The following SPARCL1 variants were observed in gnomAD, a reference collection of about 807,000 sequenced individuals.
SPARCL1 encodes the protein SPARC like 1.
SPARCL1 carries 52 observed loss-of-function variants against 67.1 expected under a neutral mutation model. The observed-to-expected ratio is 0.78, with a 90% CI of 0.62 to 0.98. The LOEUF (loss-of-function observed/expected upper bound fraction) is 0.98. Among genes scored for constraint, SPARCL1 ranks in the 50% least tolerant of loss-of-function variants. The pLI, the probability that SPARCL1 is intolerant of heterozygous loss-of-function variation, is 0.00. For synonymous variants in SPARCL1, 226 were observed against 267.8 expected (o/e 0.84, Z 1.52); for missense variants, 717 against 782.4 (o/e 0.92, Z 1.00).
intron 1 of SPARCL1, among the ~76,000 whole-genome samples, chr4:87,507,086 C>T (rs898262909): frequency 1.3e-5 from 2 of 152,070 alleles, no homozygotes; most frequent in African/African-American, 4.8e-5. Context: ...GAAAAATTGT[C>T]CAGTGGAACA....
chr4:87,497,744 A>G (rs1479559246), intron 2 of SPARCL1, among the ~76,000 whole-genome samples: 1 of 152,152 alleles, frequency 6.6e-6, no homozygotes, highest in African/African-American at 2.4e-5. Flanking sequence ...GTGTCATTCA[A>G]ACATTTGGTT....
chr4:87,495,972 C>T (rs1047539684), intron 2 of SPARCL1, among the ~76,000 whole-genome samples: 5 of 152,182 alleles, frequency 3.3e-5, no homozygotes, highest in South Asian at 2.1e-4. Context: ...CTGTGTGAGA[C>T]AGGGCACTAA....
chr4:87,487,143 A>G (rs910361926), intron 7 of SPARCL1, among the ~76,000 whole-genome samples: 3 of 151,738 alleles, frequency 2.0e-5, no homozygotes, highest in Admixed American at 6.6e-5. Flanking sequence ...TTATGATGCT[A>G]GCTGGTTATT....
At chr4:87,479,623 A>G (rs779077410) in intron 9 of SPARCL1, 45 bp from the exon 10 acceptor site, 2 of 1,596,078 alleles carry the variant, frequency 1.3e-6, no homozygotes, top group Non-Finnish European at 1.7e-6. Flanking sequence ...TAGCTTGTGC[A>G]TGAAGATTTA....
chr4:87,503,771 T>C (rs1452918908), intron 1 of SPARCL1, among the ~76,000 whole-genome samples: 3 of 150,718 alleles, frequency 2.0e-5, no homozygotes, highest in East Asian at 2.0e-4. Flanking sequence ...CTCTGCCTCC[T>C]AGGCTCAAGT....
At chr4:87,509,424 G>A (rs1725254865) in intron 1 of SPARCL1, among the ~76,000 whole-genome samples, 1 of 152,178 alleles carries the variant, frequency 6.6e-6, no homozygotes, top group South Asian at 2.1e-4. Context: ...GTCTGTCTGT[G>A]TTCTTAACTA....
chr4:87,503,828 G>A (rs1434624103), intron 1 of SPARCL1, among the ~76,000 whole-genome samples: 2 of 151,666 alleles, frequency 1.3e-5, no homozygotes, highest in South Asian at 2.1e-4. Flanking sequence ...ACAGACATGT[G>A]CCACCATGCC....
rs762281846 is a variant in SPARCL1 at position 87,495,010 on chromosome 4, C to T, written c.172G>A (p.Val58Ile). 6.2e-7 allele frequency: 1 copy of T among 1,611,608 alleles called. No homozygotes were observed. Among genetic ancestry groups the T allele is most frequent in the African/African-American group, 1.3e-5 (1 of 74,682 alleles). The change falls in exon 3 of 11, where the codon GTA becomes ATA. Residue 58 changes from valine (V) to isoleucine (I), a missense_variant. Transcript: ENST00000282470. Reference sequence around the variant, plus strand: ...TGGTGGGAATCGTCTTCTGTGGATACTGCTGTTTCTTTTTCATTTTCTTCA... The same window carrying T: ...TGGTGGGAATCGTCTTCTGTGGATATTGCTGTTTCTTTTTCATTTTCTTCA... ...EAEENEKETA[V>I]STEDDSHHKA...
chr4:87,500,788 G>A (rs1410258816), intron 1 of SPARCL1, among the ~76,000 whole-genome samples: 1 of 104,390 alleles, frequency 9.6e-6, no homozygotes, highest in Non-Finnish European at 1.9e-5. Flanking sequence ...ACACGTACGC[G>A]CGCACGCACA....
intron 10 of SPARCL1, among the ~76,000 whole-genome samples, chr4:87,477,339 G>T (rs1723622719): frequency 6.6e-6 from 1 of 152,112 alleles, no homozygotes; most frequent in Non-Finnish European, 1.5e-5. Flanking sequence ...TGGTGGGCAG[G>T]GCAGGACAGA....
chr4:87,490,935 C>A (rs1362487389), intron 5 of SPARCL1, 57 bp from the exon 6 acceptor site: 7 of 1,024,418 alleles, frequency 6.8e-6, no homozygotes, highest in Non-Finnish European at 8.6e-6. Flanking sequence ...TATGTAAATA[C>A]AAATTCACTC....
Position 87,473,816 on chromosome 4 carries a change from A to T in SPARCL1, c.1967-13T>A, listed in dbSNP as rs1469417745. 1 of 1,596,784 alleles carries T rather than the reference A, an allele frequency of 6.3e-7. No individual in the cohort carries two copies. Among genetic ancestry groups the T allele is most frequent in the East Asian group, 2.2e-5 (1 of 44,732 alleles). ...TCATCTATGTCCTCTATAAAAAAAC[A>T]AGAAGCAAAATGACACTTTTAGAAA... is the stretch of plus-strand genomic sequence containing the variant. On this transcript the variant is annotated splice_polypyrimidine_tract_variant and intron_variant, in intron 10 of 10. Coordinates refer to ENST00000282470, the MANE Select transcript of SPARCL1 (RefSeq NM_004684.6).
At chr4:87,514,624 G>A (rs1476116608) in intron 1 of SPARCL1, among the ~76,000 whole-genome samples, 2 of 152,174 alleles carry the variant, frequency 1.3e-5, no homozygotes, top group Non-Finnish European at 2.9e-5. Flanking sequence ...AAAACGCCTT[G>A]TGTTCTTCCA....
At chr4:87,506,809 CT>C (rs1168552225) in intron 1 of SPARCL1, among the ~76,000 whole-genome samples, 132 of 151,234 alleles carry the variant, frequency 8.7e-4, no homozygotes, top group African/African-American at 3.2e-3. Context: ...ATCTATCTAT[CT>C]ATCTATCTAT....
intron 1 of SPARCL1, among the ~76,000 whole-genome samples, chr4:87,510,456 T>C (rs915404631): frequency 1.3e-5 from 2 of 152,182 alleles, no homozygotes; most frequent in Non-Finnish European, 2.9e-5. Flanking sequence ...ACCTACGGCC[T>C]GCCCCGTCCC....
chr4:87,493,821 C>T lies in SPARCL1; in HGVS notation c.979G>A (p.Asp327Asn), dbSNP rs760186698. The T allele has an allele frequency of 2.5e-6, 4 of 1,614,202 alleles. No individual in the cohort carries two copies. Among genetic ancestry groups the T allele is most frequent in the Admixed American group, 1.7e-5 (1 of 60,018 alleles). The change falls in exon 4 of 11, where the codon GAT becomes AAT. Residue 327 changes from aspartate (D) to asparagine (N), a missense_variant. Coordinates refer to ENST00000282470, the MANE Select transcript of SPARCL1 (RefSeq NM_004684.6). The stretch of plus-strand genomic sequence containing the variant: ...TGATTTCTGGGCGTGGTATTACCAT[C>T]ATCAGTAGGTTCCATGAGCAGAGCC... ...SEALLMEPTD[D>N]GNTTPRNHGV...
At chr4:87,491,955 CA>C (rs68120318) in intron 4 of SPARCL1, among the ~76,000 whole-genome samples, 427 of 12,638 alleles carry the variant, frequency 0.034, 2 homozygotes, top group South Asian at 0.077. Flanking sequence ...CCCCCCCCCC[CA>C]AAAAAAAAAA....
intron 4 of SPARCL1, 128 bp downstream of exon 4, chr4:87,493,454 C>A: frequency 1.3e-6 from 1 of 763,876 alleles, no homozygotes; most frequent in Non-Finnish European, 2.0e-6. Flanking sequence ...AAAGAAATAA[C>A]TGTAATATAT....
chr4:87,474,326 G>C lies in SPARCL1; in HGVS notation c.1967-523C>G, dbSNP rs941677902. Among the ~76,000 whole-genome samples the C allele has an allele frequency of 2.6e-5, 4 of 152,220 alleles. No individual in the cohort carries two copies. The South Asian group carries it at 6.2e-4, about 24-fold the overall frequency. ...CCCTAACAAACTATTATACTACTCTGTGTGGGCACTAGGTAATTTTCCTGC... is the reference window on the plus strand; with the variant it reads ...CCCTAACAAACTATTATACTACTCTCTGTGGGCACTAGGTAATTTTCCTGC... On this transcript the variant is annotated intron_variant, in intron 10 of 10. Coordinates refer to ENST00000282470, the MANE Select transcript of SPARCL1 (RefSeq NM_004684.6).
Sources: allele counts gnomAD v4.1 joint callset (sites outside exome capture counted in the v4.1 genomes callset), GRCh38; gene constraint gnomAD v4.1.1; transcripts MANE v1.5; gene names NCBI Gene and HGNC (gene_info 2026-07-23, HGNC 2026-07-21).